RIMS2: variants seen among roughly 807,000 people sequenced by gnomAD.
RIMS2 encodes the protein regulating synaptic membrane exocytosis protein 2.
In RIMS2, 59 loss-of-function variants were observed where a neutral mutation model predicts 174.4. That is an observed-to-expected ratio of 0.34 (90% CI 0.27 to 0.42). The LOEUF is 0.42. Among genes scored for constraint, RIMS2 ranks in the 10% least tolerant of loss-of-function variants. RIMS2 has a pLI of 1.00. For synonymous variants in RIMS2, 606 were observed against 572.5 expected, an observed-to-expected ratio of 1.06 and a Z score of -0.84; for missense variants, 1,620 against 1,666.3, an observed-to-expected ratio of 0.97 and a Z score of 0.48.
chr8:104,038,358 G>A (rs1422081438), intron 19 of RIMS2, among the ~76,000 whole-genome samples: 4 of 151,858 alleles, frequency 2.6e-5, no homozygotes, highest in Admixed American at 6.6e-5. Context: ...CAAAGATCCA[G>A]CCATAATTTT....
At chr8:103,797,333 C>G (rs1021253656) in intron 3 of RIMS2, among the ~76,000 whole-genome samples, 22 of 152,134 alleles carry the variant, frequency 1.4e-4, no homozygotes, top group Admixed American at 1.1e-3. Flanking sequence ...TTTCTTTTCT[C>G]TTACTCAATT....
At chr8:103,919,936 C>G (rs912947825) in intron 9 of RIMS2, among the ~76,000 whole-genome samples, 1 of 151,922 alleles carries the variant, frequency 6.6e-6, no homozygotes, top group Non-Finnish European at 1.5e-5. Context: ...TTATTTAGTA[C>G]TTGTAACTGT....
chr8:103,937,470 G>A lies in RIMS2; in HGVS notation c.2547+748G>A, dbSNP rs150269016. ...ACAGGCACTGTGCTATAGACTGAGC[G>A]TTCAAAGGTAAATAAGGAGTGTTAC... On this transcript the variant is annotated intron_variant, in intron 13 of 23. Coordinates refer to ENST00000504942, the Ensembl canonical transcript of RIMS2. Among the ~76,000 whole-genome samples, 202 of 152,234 alleles carry A rather than the reference G, an allele frequency of 1.3e-3. 1 individual carries two copies. The highest frequency in any genetic ancestry group is 4.6e-3 in the African/African-American group (192 of 41,550).
intron 3 of RIMS2, among the ~76,000 whole-genome samples, chr8:103,856,846 G>T (rs940585905): frequency 2.3e-4 from 34 of 150,356 alleles, no homozygotes; most frequent in African/African-American, 7.9e-4. Flanking sequence ...TCGCTTTGTC[G>T]CCCAGGCTGG....
chr8:104,140,666 TC>T (rs34542472), intron 19 of RIMS2, among the ~76,000 whole-genome samples: 5 of 152,130 alleles, frequency 3.3e-5, no homozygotes, highest in Admixed American at 3.3e-4. Flanking sequence ...TCAATTTCAG[TC>T]CCCGTATGCC....
At chr8:104,069,017 G>GA (rs1240191733) in intron 19 of RIMS2, among the ~76,000 whole-genome samples, 1 of 152,054 alleles carries the variant, frequency 6.6e-6, no homozygotes, top group African/African-American at 2.4e-5. Context: ...GCCTTATAGT[G>GA]GATCAACTTA....
At chr8:104,197,764 G>GTGGATGGAAAAGGAGTGGATGGA (rs1373098986) in intron 19 of RIMS2, among the ~76,000 whole-genome samples, 6 of 151,994 alleles carry the variant, frequency 3.9e-5, no homozygotes, top group Non-Finnish European at 7.4e-5. Context: ...GAGGTTAAGG[G>GTGGATGGAAAAGGAGTGGATGGA]GGGTATAGGT....
chr8:103,606,646 G>T (rs1308462154), intron 1 of RIMS2, among the ~76,000 whole-genome samples: 2 of 152,130 alleles, frequency 1.3e-5, no homozygotes, highest in Non-Finnish European at 1.5e-5. Context: ...AAGTCTCTTT[G>T]TAGGTCACTC....
chr8:103,503,333 G>A (rs919450672), intron 1 of RIMS2, among the ~76,000 whole-genome samples: 1 of 151,760 alleles, frequency 6.6e-6, no homozygotes, highest in African/African-American at 2.4e-5. Context: ...GAAATGAAAT[G>A]AATAGACTTT....
intron 1 of RIMS2, among the ~76,000 whole-genome samples, chr8:103,574,840 A>G (rs1472200993): frequency 6.6e-6 from 1 of 152,202 alleles, no homozygotes; most frequent in Non-Finnish European, 1.5e-5. Flanking sequence ...AATGATTAGG[A>G]TCTGCCAAAG....
chr8:104,166,732 CTGTATAAATATTTATATTTA>C (rs2098800402), intron 19 of RIMS2, among the ~76,000 whole-genome samples: 3 of 151,396 alleles, frequency 2.0e-5, no homozygotes, highest in African/African-American at 2.4e-5. Context: ...ATATTTATAA[CTGTATAAATATTTATATTTA>C]TATATAAATA....
intron 19 of RIMS2, among the ~76,000 whole-genome samples, chr8:104,160,211 T>A (rs2098752633): frequency 6.6e-6 from 1 of 152,142 alleles, no homozygotes; most frequent in Non-Finnish European, 1.5e-5. Flanking sequence ...CCAAATCCCA[T>A]CAGACTATAA....
intron 1 of RIMS2, among the ~76,000 whole-genome samples, chr8:103,690,353 T>C (rs1261064170): frequency 1.3e-5 from 2 of 152,180 alleles, no homozygotes; most frequent in African/African-American, 4.8e-5. Context: ...ATGGTTGCTT[T>C]ATGGTCCTCT....
intron 19 of RIMS2, among the ~76,000 whole-genome samples, chr8:104,220,739 C>A (rs1018922453): frequency 3.3e-5 from 5 of 151,990 alleles, no homozygotes; most frequent in Admixed American, 1.3e-4. Flanking sequence ...GTTGCTGGGA[C>A]TACAGGCATG....
At chr8:103,794,503 C>A (rs1460030803) in intron 3 of RIMS2, among the ~76,000 whole-genome samples, 9 of 152,090 alleles carry the variant, frequency 5.9e-5, no homozygotes, top group South Asian at 4.1e-4. Flanking sequence ...TAGGCAATAC[C>A]ATTCAGGACA....
chr8:103,659,171 A>T (rs2096566342), intron 1 of RIMS2, among the ~76,000 whole-genome samples: 1 of 152,154 alleles, frequency 6.6e-6, no homozygotes, highest in South Asian at 2.1e-4. Flanking sequence ...GACTGGTCAA[A>T]GAAGTTGATA....
intron 2 of RIMS2, among the ~76,000 whole-genome samples, chr8:103,712,994 T>TCCTTCCTTCCTTCCTTCTTTTCCTC (rs2097326004): frequency 2.0e-5 from 3 of 152,064 alleles, no homozygotes; most frequent in Non-Finnish European, 4.4e-5. Context: ...ATTTTTCTTT[T>TCCTTCCTTCCTTCCTTCTTTTCCTC]CCTTCCTTCC....
chr8:103,990,458 T>C (rs1742905229), intron 17 of RIMS2, among the ~76,000 whole-genome samples: 1 of 152,130 alleles, frequency 6.6e-6, no homozygotes, highest in Admixed American at 6.5e-5. Context: ...TAGTGATAAA[T>C]GAAAGCTAAT....
intron 1 of RIMS2, among the ~76,000 whole-genome samples, chr8:103,539,361 C>T (rs1198041112): frequency 6.6e-6 from 1 of 152,098 alleles, no homozygotes; most frequent in Non-Finnish European, 1.5e-5. Context: ...CTTTATTTCA[C>T]ACACACAAAA....
Sources: gnomAD v4.1 joint callset for allele counts (sites outside exome capture counted in the v4.1 genomes callset) on GRCh38, gnomAD v4.1.1 for gene constraint, MANE v1.5 for transcripts, NCBI Gene and HGNC (gene_info 2026-07-23, HGNC 2026-07-21) for gene names.